The following DNM3 variants were observed in gnomAD, a reference collection of about 807,000 sequenced individuals.
DNM3 encodes dynamin-3.
In DNM3, 47 loss-of-function variants were observed where a neutral mutation model predicts 101.6. That is an observed-to-expected ratio of 0.46 (90% CI 0.37 to 0.59). The LOEUF (loss-of-function observed/expected upper bound fraction) is 0.59, where lower values mean the gene tolerates loss of function less well. Among genes scored for constraint, DNM3 ranks in the 20% least tolerant of loss-of-function variants. DNM3 has a pLI of 0.00. For missense variants in DNM3, 849 were observed against 1,085.7 expected, an observed-to-expected ratio of 0.78 and a Z score of 3.06; for synonymous variants, 385 against 387.9, an observed-to-expected ratio of 0.99 and a Z score of 0.09.
chr1:171,843,565 AT>A (rs1257617008), intron 1 of DNM3, among the ~76,000 whole-genome samples: 1 of 152,200 alleles, frequency 6.6e-6, no homozygotes, highest in East Asian at 1.9e-4. Context: ...TTCAAATGAA[AT>A]TACCATATTT....
chr1:172,392,329 T>C (rs1414123536), intron 20 of DNM3, among the ~76,000 whole-genome samples: 1 of 152,182 alleles, frequency 6.6e-6, no homozygotes, highest in Admixed American at 6.5e-5. Flanking sequence ...TGTGGAACAT[T>C]TTCTATTGCC....
intron 14 of DNM3, among the ~76,000 whole-genome samples, chr1:172,182,781 A>C (rs976553414): frequency 2.6e-5 from 4 of 152,110 alleles, no homozygotes; most frequent in Non-Finnish European, 5.9e-5. Flanking sequence ...AAAAGTAGAA[A>C]AAGTTGAATA....
chr1:171,958,876 TA>T (rs1267426392), intron 2 of DNM3, among the ~76,000 whole-genome samples: 2 of 152,204 alleles, frequency 1.3e-5, no homozygotes, highest in African/African-American at 4.8e-5. Context: ...ATCATATTTC[TA>T]AAAAATTATG....
At chr1:172,402,033 C>G (rs1345200255) in intron 20 of DNM3, among the ~76,000 whole-genome samples, 1 of 152,162 alleles carries the variant, frequency 6.6e-6, no homozygotes, top group African/African-American at 2.4e-5. Context: ...TGGGCCCATT[C>G]ACACTCATTG....
At chr1:172,229,935 T>C (rs1157177409) in intron 14 of DNM3, among the ~76,000 whole-genome samples, 1 of 152,150 alleles carries the variant, frequency 6.6e-6, no homozygotes, top group Admixed American at 6.6e-5. Flanking sequence ...TGTATTGACA[T>C]AGAAGTTCAT....
At chr1:172,037,630 T>C (rs1390864724) in intron 6 of DNM3, among the ~76,000 whole-genome samples, 1 of 152,150 alleles carries the variant, frequency 6.6e-6, no homozygotes, top group Non-Finnish European at 1.5e-5. Flanking sequence ...TAATTAATCA[T>C]GCACTCTTAG....
At chr1:172,102,137 T>A (rs1572515977) in intron 13 of DNM3, among the ~76,000 whole-genome samples, 1 of 152,108 alleles carries the variant, frequency 6.6e-6, no homozygotes, top group East Asian at 1.9e-4. Context: ...GGATTACAGG[T>A]GTGAGCCACC....
At chr1:172,236,533 T>C (rs770437896) in intron 14 of DNM3, among the ~76,000 whole-genome samples, 24 of 152,070 alleles carry the variant, frequency 1.6e-4, no homozygotes, top group Non-Finnish European at 3.2e-4. Flanking sequence ...GGTTTTCATA[T>C]TGAGATATTA....
chr1:172,243,308 T>C (rs2061817700), intron 14 of DNM3, among the ~76,000 whole-genome samples: 1 of 152,138 alleles, frequency 6.6e-6, no homozygotes, highest in East Asian at 1.9e-4. Flanking sequence ...GAATGTGCAT[T>C]TCAAGGATAT....
intron 2 of DNM3, among the ~76,000 whole-genome samples, chr1:171,965,115 C>T (rs900163088): frequency 1.3e-5 from 2 of 152,120 alleles, no homozygotes; most frequent in South Asian, 2.1e-4. Flanking sequence ...CCCAGGTAAT[C>T]CACACTTCTG....
At chr1:171,927,304 A>G (rs1201357475) in intron 2 of DNM3, among the ~76,000 whole-genome samples, 5 of 152,150 alleles carry the variant, frequency 3.3e-5, no homozygotes, top group Non-Finnish European at 7.4e-5. Context: ...AACCCATGTC[A>G]TGGGGGTTTG....
At chr1:171,858,144 T>C (rs2033807271) in intron 1 of DNM3, among the ~76,000 whole-genome samples, 2 of 152,192 alleles carry the variant, frequency 1.3e-5, no homozygotes. Context: ...ACTTAACTTG[T>C]ATTGAGTTTT....
At chr1:171,969,267 C>A (rs2043815755) in intron 2 of DNM3, among the ~76,000 whole-genome samples, 1 of 152,130 alleles carries the variant, frequency 6.6e-6, no homozygotes. Flanking sequence ...CAAAGAAGGG[C>A]CACATGGTTG....
At chr1:172,117,747 A>G (rs1204058187) in intron 13 of DNM3, among the ~76,000 whole-genome samples, 2 of 152,136 alleles carry the variant, frequency 1.3e-5, no homozygotes, top group African/African-American at 4.8e-5. Context: ...GAGAGAGGAG[A>G]AAGAGGTTGT....
At chr1:171,937,011 C>T (rs2041477484) in intron 2 of DNM3, among the ~76,000 whole-genome samples, 1 of 152,186 alleles carries the variant, frequency 6.6e-6, no homozygotes, top group South Asian at 2.1e-4. Flanking sequence ...AATATGAGAA[C>T]AATGTCAACT....
intron 15 of DNM3, among the ~76,000 whole-genome samples, chr1:172,276,556 AATG>A (rs1285212951): frequency 1.1e-4 from 2 of 18,652 alleles, no homozygotes; most frequent in African/African-American, 2.7e-4. Flanking sequence ...AAAAAATCTT[AATG>A]TGTGTGTGTG....
At chr1:172,063,193 A>C (rs1020000090) in intron 10 of DNM3, among the ~76,000 whole-genome samples, 41 of 152,204 alleles carry the variant, frequency 2.7e-4, no homozygotes, top group African/African-American at 9.6e-4. Flanking sequence ...TAATAACTCC[A>C]GTCTTTGCTA....
chr1:172,133,118 C>T, intron 14 of DNM3: 3 of 1,408,804 alleles, frequency 2.1e-6, no homozygotes, highest in Non-Finnish European at 9.2e-7. Context: ...TGGGTGTTAG[C>T]AGCAGAGACA....
chr1:172,379,634 C>T (rs940893446), intron 18 of DNM3, among the ~76,000 whole-genome samples: 1 of 151,968 alleles, frequency 6.6e-6, no homozygotes, highest in Non-Finnish European at 1.5e-5. Context: ...CTTCTAAAAT[C>T]TATGGAATGC....
Sources: allele counts gnomAD v4.1 joint callset (sites outside exome capture counted in the v4.1 genomes callset), GRCh38; gene constraint gnomAD v4.1.1; transcripts MANE v1.5; gene names NCBI Gene and HGNC (gene_info 2026-07-23, HGNC 2026-07-21).